ARB2A: variants seen among roughly 807,000 people sequenced by gnomAD.
ARB2A encodes the protein cotranscriptional regulator ARB2A.
the ARB2A span, among the ~76,000 whole-genome samples, chr5:93,668,260 T>C: frequency 6.6e-6 from 1 of 152,108 alleles, no homozygotes; most frequent in Non-Finnish European, 1.5e-5. Flanking sequence ...TGCACCACCA[T>C]GCCTGGCTAG....
the ARB2A span, among the ~76,000 whole-genome samples, chr5:94,013,846 C>G: frequency 3.9e-5 from 6 of 152,134 alleles, no homozygotes; most frequent in Non-Finnish European, 8.8e-5. Flanking sequence ...TTCCCAGGGT[C>G]ACAGAGATGT....
At chr5:93,917,672 G>A in the ARB2A span, among the ~76,000 whole-genome samples, 2 of 152,092 alleles carry the variant, frequency 1.3e-5, no homozygotes, top group African/African-American at 4.8e-5. Flanking sequence ...GAGTCCAGGA[G>A]TTCGAGACCA....
chr5:93,875,398 A>AT, the ARB2A span, among the ~76,000 whole-genome samples: 1 of 151,868 alleles, frequency 6.6e-6, no homozygotes, highest in Non-Finnish European at 1.5e-5. Flanking sequence ...TGCCTGGCTA[A>AT]TTTTTGTATT....
At chr5:93,920,911 G>A in the ARB2A span, among the ~76,000 whole-genome samples, 6 of 152,066 alleles carry the variant, frequency 3.9e-5, no homozygotes, top group Admixed American at 1.3e-4. Flanking sequence ...GCATATCCCA[G>A]TAAAAAGTGA....
At chr5:93,690,238 G>T in the ARB2A span, among the ~76,000 whole-genome samples, 56 of 152,320 alleles carry the variant, frequency 3.7e-4, no homozygotes, top group Non-Finnish European at 6.6e-4. Context: ...GCTGAAGCCA[G>T]GGAGCCAAGT....
At chr5:93,772,798 A>G in the ARB2A span, among the ~76,000 whole-genome samples, 1 of 152,156 alleles carries the variant, frequency 6.6e-6, no homozygotes, top group African/African-American at 2.4e-5. Context: ...GGGCCTCTCC[A>G]CAGGGCAGCT....
At chr5:93,741,631 G>A in the ARB2A span, 4 of 1,435,384 alleles carry the variant, frequency 2.8e-6, no homozygotes, top group Non-Finnish European at 3.7e-6. Flanking sequence ...AACAGCCACC[G>A]GCCCCCTCAA....
At chr5:93,897,945 C>G in the ARB2A span, among the ~76,000 whole-genome samples, 2 of 151,928 alleles carry the variant, frequency 1.3e-5, no homozygotes, top group African/African-American at 4.8e-5. Context: ...AAGAAACCAT[C>G]TCTTCCCCAT....
the ARB2A span, among the ~76,000 whole-genome samples, chr5:93,945,458 C>T: frequency 6.7e-6 from 1 of 150,128 alleles, no homozygotes; most frequent in African/African-American, 2.4e-5. Flanking sequence ...AAGTACTAGA[C>T]TATGGGACAT....
the ARB2A span, among the ~76,000 whole-genome samples, chr5:94,043,504 C>T: frequency 2.6e-5 from 4 of 152,168 alleles, no homozygotes; most frequent in African/African-American, 7.2e-5. Context: ...TGTAACAGGA[C>T]ACAACTGGAA....
chr5:93,788,880 A>C, the ARB2A span, among the ~76,000 whole-genome samples: 2 of 152,182 alleles, frequency 1.3e-5, no homozygotes, highest in African/African-American at 4.8e-5. Flanking sequence ...AACCTAAAGG[A>C]GAAAGAAACT....
the ARB2A span, among the ~76,000 whole-genome samples, chr5:93,763,626 T>G: frequency 6.6e-6 from 1 of 152,082 alleles, no homozygotes; most frequent in Non-Finnish European, 1.5e-5. Flanking sequence ...CTGTCAACAT[T>G]AGACAGATCA....
the ARB2A span, among the ~76,000 whole-genome samples, chr5:93,815,121 G>A: frequency 6.6e-6 from 1 of 152,178 alleles, no homozygotes; most frequent in Non-Finnish European, 1.5e-5. Context: ...GGGATTACAG[G>A]CATGAGCCTC....
At chr5:93,899,809 A>C in the ARB2A span, among the ~76,000 whole-genome samples, 1 of 152,186 alleles carries the variant, frequency 6.6e-6, no homozygotes, top group South Asian at 2.1e-4. Context: ...TTTTAATGAC[A>C]TGCATATAAT....
At chr5:93,877,338 C>T in the ARB2A span, among the ~76,000 whole-genome samples, 1 of 152,130 alleles carries the variant, frequency 6.6e-6, no homozygotes, top group African/African-American at 2.4e-5. Context: ...ATTTAGTTGT[C>T]CTCTTATGCT....
the ARB2A span, among the ~76,000 whole-genome samples, chr5:93,857,264 C>T: frequency 1.8e-4 from 27 of 152,298 alleles, no homozygotes; most frequent in Admixed American, 1.6e-3. Context: ...GCAGTCTGCC[C>T]ATTCTCAGAT....
chr5:94,092,426 T>G, the ARB2A span, among the ~76,000 whole-genome samples: 1 of 152,204 alleles, frequency 6.6e-6, no homozygotes, highest in Non-Finnish European at 1.5e-5. Flanking sequence ...AAAGTTTGGA[T>G]AGCATGGTTC....
At chr5:93,882,178 A>C in the ARB2A span, among the ~76,000 whole-genome samples, 1 of 151,492 alleles carries the variant, frequency 6.6e-6, no homozygotes, top group Admixed American at 6.6e-5. Context: ...TAAAAAGAAT[A>C]AGCAGTTAAA....
chr5:93,689,236 A>G, the ARB2A span, among the ~76,000 whole-genome samples: 1 of 152,144 alleles, frequency 6.6e-6, no homozygotes, highest in East Asian at 1.9e-4. Flanking sequence ...CCCTACACAT[A>G]ATTTTACTCT....
Sources: gnomAD v4.1 joint callset for allele counts (sites outside exome capture counted in the v4.1 genomes callset) on GRCh38, gnomAD v4.1.1 for gene constraint, MANE v1.5 for transcripts, NCBI Gene and HGNC (gene_info 2026-07-23, HGNC 2026-07-21) for gene names.